Variants in TMOD3 observed in about 807,000 individuals in gnomAD.
TMOD3 encodes tropomodulin-3.
In TMOD3, 20 loss-of-function variants were observed where a neutral mutation model predicts 39.2. The ratio of observed to expected loss-of-function variants is 0.51; its 90% CI spans 0.36 to 0.74. The LOEUF (loss-of-function observed/expected upper bound fraction) is 0.74. Ranked by LOEUF, TMOD3 falls within the 30% of genes least tolerant of loss-of-function variation. TMOD3 has a pLI of 0.00. For synonymous variants in TMOD3, 143 were observed against 145.8 expected (o/e 0.98, Z 0.14); for missense variants, 381 against 412.8 (o/e 0.92, Z 0.67).
chr15:51,860,409 A>C, intron 1 of TMOD3: 1 of 547,220 alleles, frequency 1.8e-6, no homozygotes. Flanking sequence ...TTCCTTCCTC[A>C]GTTTTTCAGC....
At chr15:51,888,523 A>G (rs2056576903) in intron 4 of TMOD3, among the ~76,000 whole-genome samples, 1 of 152,228 alleles carries the variant, frequency 6.6e-6, no homozygotes, top group Admixed American at 6.5e-5. Flanking sequence ...ATCAAAAACT[A>G]AAACCAAATT....
At chr15:51,905,659 T>C (rs963135511) in intron 9 of TMOD3, among the ~76,000 whole-genome samples, 1 of 152,184 alleles carries the variant, frequency 6.6e-6, no homozygotes, top group African/African-American at 2.4e-5. Flanking sequence ...ACTGCTCTTA[T>C]TGCTCTATTA....
intron 3 of TMOD3, among the ~76,000 whole-genome samples, chr15:51,878,433 AT>A (rs770118500): frequency 2.8e-5 from 4 of 144,720 alleles, no homozygotes; most frequent in Admixed American, 7.2e-5. Flanking sequence ...TATTTTGTCC[AT>A]TTTAATTGTT....
At chr15:51,841,870 A>C (rs1239642230) in intron 1 of TMOD3, among the ~76,000 whole-genome samples, 2 of 152,142 alleles carry the variant, frequency 1.3e-5, no homozygotes, top group African/African-American at 4.8e-5. Context: ...CCTGTGTTCA[A>C]GCGATTCTCC....
At chr15:51,855,714 A>C (rs2007335) in intron 1 of TMOD3, among the ~76,000 whole-genome samples, 1 of 152,144 alleles carries the variant, frequency 6.6e-6, no homozygotes, top group African/African-American at 2.4e-5. Context: ...TCACCTCTTC[A>C]TCATTCAGAA....
intron 3 of TMOD3, among the ~76,000 whole-genome samples, chr15:51,873,396 A>G (rs2056486093): frequency 6.6e-6 from 1 of 152,232 alleles, no homozygotes; most frequent in Admixed American, 6.5e-5. Context: ...TTCCCAGGCA[A>G]TAGAGGTTTT....
In TMOD3 at chr15:51,895,874, C is replaced by T. The variant is rs145826872; in HGVS notation, c.628-545C>T. Among the ~76,000 whole-genome samples, 245 of 152,102 alleles carry T rather than the reference C, an allele frequency of 1.6e-3. 9 individuals carry two copies. The highest frequency in any genetic ancestry group is 9.8e-3 in the East Asian group (51 of 5,178). On this transcript the variant is annotated intron_variant, in intron 6 of 9. Transcript: ENST00000308580. ...CTGTAATCCCAGCACTTTGGGAGGC[C>T]GAGGAGGGTGGATCACCTGAGGTCA...
chr15:51,869,109 C>A, intron 2 of TMOD3, 108 bp from the exon 3 acceptor site: 1 of 1,200,498 alleles, frequency 8.3e-7, no homozygotes, highest in Non-Finnish European at 1.2e-6. Flanking sequence ...GTGTTTAGTG[C>A]CTGTATCACA....
chr15:51,845,325 C>G lies in TMOD3; in HGVS notation c.-75+15489C>G, dbSNP rs149880969. On this transcript the variant is annotated intron_variant, in intron 1 of 9. Transcript: ENST00000308580. ...ACGTGGAAGAGCCACCTGTCAGAAC[C>G]AGGACTATATTTTAGCTATTCTTCA... 7.1e-4 allele frequency among the ~76,000 whole-genome samples: 108 copies of G among 152,254 alleles called. No individual in the cohort carries two copies. In the East Asian group the frequency reaches 0.02, roughly 28 times the overall value.
At chr15:51,838,763 G>T (rs2056298788) in intron 1 of TMOD3, among the ~76,000 whole-genome samples, 1 of 152,058 alleles carries the variant, frequency 6.6e-6, no homozygotes, top group Non-Finnish European at 1.5e-5. Flanking sequence ...CTTCCCTGCA[G>T]ACTGACCTTC....
At chr15:51,852,075 GTCTGTATGC>G (rs2056364849) in intron 1 of TMOD3, among the ~76,000 whole-genome samples, 1 of 152,050 alleles carries the variant, frequency 6.6e-6, no homozygotes, top group Non-Finnish European at 1.5e-5. Context: ...ATTGGTTTTT[GTCTGTATGC>G]CACTTTTAAA....
chr15:51,905,126 A>G (rs1355274632), intron 9 of TMOD3, among the ~76,000 whole-genome samples: 1 of 152,182 alleles, frequency 6.6e-6, no homozygotes, highest in East Asian at 1.9e-4. Flanking sequence ...TTAAGAACTG[A>G]CTCATATCAT....
Position 51,896,488 on chromosome 15 carries a change from A to G in TMOD3, c.697A>G (p.Ser233Gly), listed in dbSNP as rs765438547. The G allele has an allele frequency of 6.9e-5, 112 of 1,613,766 alleles. No homozygotes were observed. Among genetic ancestry groups the G allele is most frequent in the Non-Finnish European group, 9.4e-5 (111 of 1,179,814 alleles). ...AACCAACACACATGTGAAATGTTTC[A>G]GTCTTGCAGCCACCCGGAGCAATGA... ...LETNTHVKCF[S>G]LAATRSNDPV... The change falls in exon 7 of 10, where the codon AGT (serine) becomes GGT (glycine). Residue 233 changes from serine to glycine, a missense_variant. Transcript: ENST00000308580.
chr15:51,843,823 TG>T (rs1361396109), intron 1 of TMOD3, among the ~76,000 whole-genome samples: 3 of 152,002 alleles, frequency 2.0e-5, no homozygotes, highest in Non-Finnish European at 2.9e-5. Flanking sequence ...TCCAAAGCTG[TG>T]GAACTTGGGA....
chr15:51,897,704 C>T (rs1198121568), intron 7 of TMOD3, among the ~76,000 whole-genome samples: 7 of 147,416 alleles, frequency 4.7e-5, no homozygotes, highest in Non-Finnish European at 8.9e-5. Context: ...AGGCTGGTCT[C>T]GAGCTCCTGA....
rs2056376952 is a variant in TMOD3, at chr15:51,854,163, C to T, written c.-74-8648C>T. ...CTCTTGTAGGTCAGGGATGGGCAAA[C>T]TTTTTCTGTAAAGGGCCAAATAGTA... On this transcript the variant is annotated intron_variant, in intron 1 of 9. Coordinates refer to ENST00000308580, the MANE Select transcript of TMOD3 (RefSeq NM_014547.5). Among the ~76,000 whole-genome samples, 3 of 152,136 alleles carry T rather than the reference C, an allele frequency of 2.0e-5. No homozygotes were observed. In the South Asian group the frequency reaches 6.2e-4, roughly 32 times the overall value.
intron 9 of TMOD3, among the ~76,000 whole-genome samples, chr15:51,906,650 A>T (rs969252602): frequency 6.6e-6 from 1 of 152,152 alleles, no homozygotes; most frequent in Non-Finnish European, 1.5e-5. Flanking sequence ...AACATGCATT[A>T]TAGCATCTGA....
At chr15:51,872,793 G>A (rs1279450536) in intron 3 of TMOD3, among the ~76,000 whole-genome samples, 1 of 152,044 alleles carries the variant, frequency 6.6e-6, no homozygotes, top group East Asian at 1.9e-4. Flanking sequence ...TGGGTACACT[G>A]AAATCACTGT....
At chr15:51,833,485 A>T (rs1861571289) in intron 1 of TMOD3, 1 of 152,106 alleles carries the variant, frequency 6.6e-6, no homozygotes, top group Non-Finnish European at 1.5e-5. Flanking sequence ...GATAGAAAAC[A>T]TTTTTTTTAA....
Sources: allele counts gnomAD v4.1 joint callset (sites outside exome capture counted in the v4.1 genomes callset), GRCh38; gene constraint gnomAD v4.1.1; transcripts MANE v1.5; gene names NCBI Gene and HGNC (gene_info 2026-07-23, HGNC 2026-07-21).